The following SUFU variants were observed in gnomAD, a reference collection of about 807,000 sequenced individuals.
The protein encoded by SUFU is suppressor of fused homolog.
Under a neutral mutation model 58.9 loss-of-function variants are expected in SUFU, and 7 were observed. The ratio of observed to expected loss-of-function variants is 0.12; its 90% confidence interval spans 0.07 to 0.22. The LOEUF (loss-of-function observed/expected upper bound fraction) is 0.22. Among genes scored for constraint, SUFU ranks in the 10% least tolerant of loss-of-function variants. The pLI is 1.00. For missense variants in SUFU, 451 were observed against 641.3 expected, an observed-to-expected ratio of 0.70 and a Z score of 3.20; for synonymous variants, 232 against 254.8, an observed-to-expected ratio of 0.91 and a Z score of 0.85.
chr10:102,625,140 G>T lies in SUFU; in HGVS notation c.1297-2035G>T, dbSNP rs1253638741. Among the ~76,000 whole-genome samples the T allele has an allele frequency of 5.9e-5, 9 of 152,178 alleles. No homozygotes were observed. Among genetic ancestry groups the T allele is most frequent in the Admixed American group, 5.9e-4 (9 of 15,276 alleles). ...TAACTGGTGGGGAAACTGAACTTTT[G>T]GGGAGGACACCCCTGGGATAAGAGA... On this transcript the variant is annotated intron_variant, in intron 10 of 11. Transcript: ENST00000369902. This position sits in a 1 kb window ranked among gnomAD's most constrained non-coding sequence, Gnocchi z 4.7.
chr10:102,609,731 A>G (rs1427072711), intron 8 of SUFU, among the ~76,000 whole-genome samples: 1 of 152,212 alleles, frequency 6.6e-6, no homozygotes, highest in Non-Finnish European at 1.5e-5. Context: ...CCTGGCTCAC[A>G]TGTATTGTGC....
At chr10:102,575,980 G>A (rs953322793) in intron 3 of SUFU, among the ~76,000 whole-genome samples, 1 of 151,458 alleles carries the variant, frequency 6.6e-6, no homozygotes, top group Non-Finnish European at 1.5e-5. Context: ...GGGTCTACTG[G>A]CACATGCCAC....
At chr10:102,523,773 C>T (rs142729229) in intron 2 of SUFU, among the ~76,000 whole-genome samples, 23 of 152,306 alleles carry the variant, frequency 1.5e-4, no homozygotes, top group African/African-American at 4.8e-4. Flanking sequence ...CTTCTTTAGC[C>T]AGGGCCAGTG....
chr10:102,542,090 G>A (rs1272725403), intron 2 of SUFU, among the ~76,000 whole-genome samples: 1 of 150,276 alleles, frequency 6.7e-6, no homozygotes, highest in African/African-American at 2.4e-5. Context: ...CTCCATGTTG[G>A]TCAGGCTGGA....
chr10:102,572,229 A>G (rs10883739), intron 3 of SUFU, among the ~76,000 whole-genome samples: 68,316 of 144,926 alleles, frequency 0.47, 16,002 homozygotes, highest in East Asian at 0.68. Flanking sequence ...CCACGCCTGG[A>G]TAATTTTTTT....
chr10:102,582,668 C>T (rs898888351), intron 3 of SUFU, among the ~76,000 whole-genome samples: 7 of 152,068 alleles, frequency 4.6e-5, no homozygotes, highest in African/African-American at 1.7e-4. Flanking sequence ...CTGTAACTAG[C>T]ATTTTTGGCG....
At position 102,554,466 on chromosome 10, in the gene SUFU, A is replaced by G. The variant is rs185223152; in HGVS notation, c.454+4360A>G. 8.5e-5 allele frequency among the ~76,000 whole-genome samples: 13 copies of G among 152,334 alleles called. No homozygotes were observed. The East Asian group carries it at 2.3e-3, about 27-fold the overall frequency. On this transcript the variant is annotated intron_variant, in intron 3 of 11. Transcript: ENST00000369902. ...ACAGCTTGATGAGTTTTCACAAACC[A>G]CATACACCCATGTAACCAGCACCTA...
chr10:102,553,097 A>G (rs910310832), intron 3 of SUFU, among the ~76,000 whole-genome samples: 32 of 152,122 alleles, frequency 2.1e-4, no homozygotes, highest in African/African-American at 1.7e-4. Flanking sequence ...GGGTGACTAC[A>G]CTCCTAAAAG....
At chr10:102,624,605 T>A (rs2063769874) in intron 10 of SUFU, among the ~76,000 whole-genome samples, 1 of 152,136 alleles carries the variant, frequency 6.6e-6, no homozygotes, top group African/African-American at 2.4e-5. Flanking sequence ...CTAGGGTTTG[T>A]CCTCATTTTT....
At chr10:102,573,196 A>G in intron 3 of SUFU, 1 of 749,144 alleles carries the variant, frequency 1.3e-6, no homozygotes, top group South Asian at 1.4e-5. Flanking sequence ...TAGGAGGAGC[A>G]GGAGCTTCCT....
chr10:102,530,639 A>C (rs2062666708), intron 2 of SUFU, among the ~76,000 whole-genome samples: 1 of 151,318 alleles, frequency 6.6e-6, no homozygotes, highest in Non-Finnish European at 1.5e-5. Context: ...TTTTTTATAG[A>C]GATGGGGTCT....
intron 3 of SUFU, among the ~76,000 whole-genome samples, chr10:102,579,409 C>T (rs929845266): frequency 5.6e-4 from 86 of 152,230 alleles, no homozygotes; most frequent in African/African-American, 2.0e-3. Flanking sequence ...TCTGGCAGCC[C>T]GCCAGCCTCC....
At chr10:102,550,787 G>A (rs561917565) in intron 3 of SUFU, among the ~76,000 whole-genome samples, 2 of 149,118 alleles carry the variant, frequency 1.3e-5, no homozygotes, top group Non-Finnish European at 3.0e-5. Context: ...TGTTGCCCAG[G>A]CTGGAGTGCA....
chr10:102,599,378 T>A, intron 7 of SUFU, 55 bp from the exon 8 acceptor site: 1 of 1,353,502 alleles, frequency 7.4e-7, no homozygotes, highest in East Asian at 2.3e-5. Flanking sequence ...AAGAGCGGGG[T>A]GAGAATTGCT....
intron 3 of SUFU, among the ~76,000 whole-genome samples, chr10:102,566,181 C>T (rs1364942063): frequency 6.6e-6 from 1 of 152,188 alleles, no homozygotes; most frequent in East Asian, 1.9e-4. Context: ...GGCAGGTTGC[C>T]TGGGTTCAAA....
intron 10 of SUFU, among the ~76,000 whole-genome samples, chr10:102,624,340 C>G (rs1014614346): frequency 6.6e-6 from 1 of 152,214 alleles, no homozygotes; most frequent in African/African-American, 2.4e-5. Flanking sequence ...GATCTGTTAA[C>G]ATTCTCAGCT....
In SUFU at chr10:102,625,518, T is replaced by C. The variant is rs1172125723; in HGVS notation, c.1297-1657T>C. Among the ~76,000 whole-genome samples the C allele has an allele frequency of 2.0e-5, 3 of 152,150 alleles. No homozygotes were observed. The highest frequency in any genetic ancestry group is 4.4e-5 in the Non-Finnish European group (3 of 68,030). ...TGAGCTGCCTTCATGCCTGTGTCCC[T>C]GGAAGGATGAATGGATGAGTTAGTG... On this transcript the variant is annotated intron_variant, in intron 10 of 11. Transcript: ENST00000369902. The surrounding 1 kb of genome is among the most constrained non-coding windows in gnomAD (Gnocchi z 4.7).
intron 8 of SUFU, among the ~76,000 whole-genome samples, chr10:102,607,884 C>G (rs2063578480): frequency 6.6e-6 from 1 of 151,426 alleles, no homozygotes; most frequent in South Asian, 2.1e-4. Context: ...GCACTCCAGC[C>G]TGGGCGACAG....
intron 2 of SUFU, among the ~76,000 whole-genome samples, chr10:102,526,623 G>A (rs1437508419): frequency 6.6e-6 from 1 of 152,192 alleles, no homozygotes; most frequent in African/African-American, 2.4e-5. Context: ...TAGTGGTTGA[G>A]GTGGGTGGGG....
Sources: allele counts gnomAD v4.1 joint callset (sites outside exome capture counted in the v4.1 genomes callset), GRCh38; gene constraint gnomAD v4.1.1; non-coding constraint Gnocchi (gnomAD v3.1); transcripts MANE v1.5; gene names NCBI Gene and HGNC (gene_info 2026-07-23, HGNC 2026-07-21).